The following CD38 variants were observed in gnomAD, a reference collection of about 807,000 sequenced individuals.
CD38 encodes the protein ADP-ribosyl cyclase/cyclic ADP-ribose hydrolase 1.
CD38 carries 31 observed loss-of-function variants against 36.3 expected under a neutral mutation model. The ratio of observed to expected loss-of-function variants is 0.85; its 90% CI spans 0.64 to 1.15. The LOEUF is 1.15. Among genes scored for constraint, CD38 ranks in the 50% most tolerant of loss-of-function variants. CD38 has a pLI of 0.00. For missense variants in CD38, 380 were observed against 371.9 expected, an observed-to-expected ratio of 1.02 and a Z score of -0.18; for synonymous variants, 131 against 135.2, an observed-to-expected ratio of 0.97 and a Z score of 0.22.
At chr4:15,840,202 C>A in intron 6 of CD38, 84 bp downstream of exon 6, 2 of 961,516 alleles carry the variant, frequency 2.1e-6, no homozygotes, top group Non-Finnish European at 3.4e-6. Context: ...GCACTGGGAA[C>A]AAATTGACTC....
At chr4:15,847,573 A>AAAAAAAAC (rs1724287384) in intron 7 of CD38, among the ~76,000 whole-genome samples, 1 of 129,884 alleles carries the variant, frequency 7.7e-6, no homozygotes, top group African/African-American at 3.2e-5. Context: ...AAAAATAAAA[A>AAAAAAAAC]ATAAAAAACA....
intron 2 of CD38, among the ~76,000 whole-genome samples, chr4:15,816,924 C>T (rs528248218): frequency 1.8e-4 from 27 of 152,134 alleles, no homozygotes; most frequent in Non-Finnish European, 3.5e-4. Context: ...AAACCCAACT[C>T]GAACAAACAA....
intron 4 of CD38, among the ~76,000 whole-genome samples, chr4:15,836,709 C>A (rs913723370): frequency 2.0e-5 from 3 of 152,172 alleles, no homozygotes; most frequent in Non-Finnish European, 2.9e-5. Flanking sequence ...TTGGTTCTGT[C>A]TTTTAAATGA....
intron 7 of CD38, among the ~76,000 whole-genome samples, chr4:15,847,451 C>G (rs1577664156): frequency 1.3e-5 from 1 of 77,932 alleles, no homozygotes; most frequent in South Asian, 5.6e-4. Context: ...GGAGATATAC[C>G]TAATGCTAGA....
chr4:15,821,694 C>CAA (rs59688929), intron 2 of CD38, among the ~76,000 whole-genome samples: 21 of 77,786 alleles, frequency 2.7e-4, no homozygotes, highest in African/African-American at 5.3e-4. Flanking sequence ...AAATACCAAC[C>CAA]AAAAAAAAAA....
intron 1 of CD38, among the ~76,000 whole-genome samples, chr4:15,803,405 A>C (rs1337357061): frequency 1.3e-5 from 2 of 152,232 alleles, no homozygotes; most frequent in Admixed American, 1.3e-4. Flanking sequence ...AATATCTAGA[A>C]TATACAAGGA....
intron 1 of CD38, among the ~76,000 whole-genome samples, chr4:15,786,730 C>A (rs1051644809): frequency 2.8e-4 from 43 of 152,262 alleles, no homozygotes; most frequent in Non-Finnish European, 1.3e-4. Flanking sequence ...CTGCTATGCA[C>A]CCGCACTCCT....
rs534647343 is a variant in CD38 at position 15,848,425 on chromosome 4, C to T, written c.840-114C>T. 7 of 667,650 alleles carry T rather than the reference C, an allele frequency of 1.0e-5. No homozygotes were observed. The Admixed American group carries it at 1.5e-4, about 14-fold the overall frequency. The allele number at this position is 667,650 out of a possible 1,614,324, so 41.4% of individuals were successfully genotyped here. On this transcript the variant is annotated intron_variant, in intron 7 of 7. Transcript: ENST00000226279. The stretch of plus-strand genomic sequence containing the variant: ...TGCAGGAGAGGAGTTTATATGGATG[C>T]TAAGTGGTCTGTGCACCTTGTCGTC...
At chr4:15,824,324 TAAAATA>T (rs998907125) in intron 2 of CD38, among the ~76,000 whole-genome samples, 7 of 152,076 alleles carry the variant, frequency 4.6e-5, no homozygotes, top group African/African-American at 1.2e-4. Context: ...ACATTTTATT[TAAAATA>T]AAAATAAAAA....
At chr4:15,795,364 A>G (rs1186940057) in intron 1 of CD38, among the ~76,000 whole-genome samples, 1 of 152,118 alleles carries the variant, frequency 6.6e-6, no homozygotes, top group Non-Finnish European at 1.5e-5. Flanking sequence ...TACTCTGGAA[A>G]TAGAGGATAA....
At chr4:15,794,151 T>C (rs1723061952) in intron 1 of CD38, among the ~76,000 whole-genome samples, 1 of 152,252 alleles carries the variant, frequency 6.6e-6, no homozygotes, top group Non-Finnish European at 1.5e-5. Flanking sequence ...TCTTCTGCCC[T>C]GGATGTGAAT....
intron 1 of CD38, among the ~76,000 whole-genome samples, chr4:15,791,329 C>T (rs1249507262): frequency 3.3e-5 from 2 of 60,592 alleles, no homozygotes; most frequent in Non-Finnish European, 5.9e-5. Flanking sequence ...CCCGGCCAGC[C>T]GCCCCGTCCG....
chr4:15,780,293 C>T (rs1254803140), intron 1 of CD38, among the ~76,000 whole-genome samples: 1 of 152,068 alleles, frequency 6.6e-6, no homozygotes, highest in Non-Finnish European at 1.5e-5. Flanking sequence ...GGATGCTTTC[C>T]CACAATCTCT....
intron 1 of CD38, among the ~76,000 whole-genome samples, chr4:15,809,700 G>A (rs1663842795): frequency 6.6e-6 from 1 of 152,154 alleles, no homozygotes; most frequent in African/African-American, 2.4e-5. Context: ...AGTAATTGCC[G>A]TGACACTGTC....
intron 3 of CD38, among the ~76,000 whole-genome samples, chr4:15,827,694 TTGAAA>T (rs879547297): frequency 9.2e-5 from 14 of 152,112 alleles, no homozygotes; most frequent in Non-Finnish European, 1.5e-4. Context: ...TCAATTTTTC[TTGAAA>T]TAAAGTAGAG....
At chr4:15,847,674 T>C (rs1577664487) in intron 7 of CD38, among the ~76,000 whole-genome samples, 2 of 137,740 alleles carry the variant, frequency 1.5e-5, no homozygotes, top group African/African-American at 5.6e-5. Context: ...ATATGTTGCA[T>C]GGAGAAAATA....
intron 1 of CD38, among the ~76,000 whole-genome samples, chr4:15,792,082 A>G (rs1425969060): frequency 1.7e-5 from 1 of 57,460 alleles, no homozygotes; most frequent in Admixed American, 1.4e-4. Flanking sequence ...CTGTACTAAG[A>G]AAAATTCTTC....
At chr4:15,790,053 A>G (rs1421046692) in intron 1 of CD38, among the ~76,000 whole-genome samples, 2 of 152,038 alleles carry the variant, frequency 1.3e-5, no homozygotes, top group Non-Finnish European at 2.9e-5. Flanking sequence ...TGGGGAGAAC[A>G]TCCTAGGTAA....
chr4:15,821,841 A>G (rs1394551574), intron 2 of CD38, among the ~76,000 whole-genome samples: 2 of 151,948 alleles, frequency 1.3e-5, no homozygotes, highest in Non-Finnish European at 2.9e-5. Flanking sequence ...TTATGAGACT[A>G]GCACCATCCT....
Sources: allele counts gnomAD v4.1 joint callset (sites outside exome capture counted in the v4.1 genomes callset), GRCh38; gene constraint gnomAD v4.1.1; transcripts MANE v1.5; gene names NCBI Gene and HGNC (gene_info 2026-07-23, HGNC 2026-07-21).